Variants in SSBP3 observed in about 807,000 individuals in gnomAD.
SSBP3 encodes the protein single-stranded DNA-binding protein 3.
Under a neutral mutation model 69.6 loss-of-function variants are expected in SSBP3, and 5 were observed. That is an observed-to-expected ratio of 0.07 (90% CI 0.04 to 0.15). The LOEUF (loss-of-function observed/expected upper bound fraction) is 0.15, where lower values mean the gene tolerates loss of function less well. SSBP3 is among the 10% of genes least tolerant of loss of function. SSBP3 has a pLI of 1.00. For synonymous variants in SSBP3, 196 were observed against 193.4 expected (o/e 1.01, Z -0.11); for missense variants, 312 against 534.0 (o/e 0.58, Z 4.10).
chr1:54,361,325 G>A (rs1405247563), intron 4 of SSBP3, among the ~76,000 whole-genome samples: 1 of 152,084 alleles, frequency 6.6e-6, no homozygotes, highest in East Asian at 1.9e-4. Context: ...CTATAAAGAG[G>A]TAAATTTTCA....
intron 5 of SSBP3, among the ~76,000 whole-genome samples, chr1:54,263,181 C>T (rs935151554): frequency 6.6e-6 from 1 of 152,186 alleles, no homozygotes; most frequent in Admixed American, 6.5e-5. Flanking sequence ...AGCCTTTACC[C>T]ACACTGACAG....
intron 4 of SSBP3, among the ~76,000 whole-genome samples, chr1:54,374,959 G>T (rs1647193217): frequency 6.6e-6 from 1 of 152,224 alleles, no homozygotes; most frequent in South Asian, 2.1e-4. Flanking sequence ...CATCCCGTGG[G>T]AAGATGCACA....
At chr1:54,238,875 T>C (rs1346220867) in intron 14 of SSBP3, 8 of 409,356 alleles carry the variant, frequency 2.0e-5, no homozygotes, top group Admixed American at 4.1e-5. Flanking sequence ...AGGTGGCAAG[T>C]CCCAGCAGCA....
At chr1:54,226,522 T>C (rs996151199) in exon 18 of SSBP3, 2 of 153,232 alleles carry the variant, frequency 1.3e-5, no homozygotes, top group Non-Finnish European at 2.9e-5. Flanking sequence ...AACCAACGAT[T>C]GTAAACTGTC....
chr1:54,375,053 G>C (rs917255631), intron 4 of SSBP3, among the ~76,000 whole-genome samples: 2 of 152,120 alleles, frequency 1.3e-5, no homozygotes, highest in Non-Finnish European at 2.9e-5. Context: ...AGTAGAGGAG[G>C]CTGGGCCAGG....
chr1:54,393,394 T>C (rs1317345936), intron 4 of SSBP3, among the ~76,000 whole-genome samples: 1 of 152,064 alleles, frequency 6.6e-6, no homozygotes, highest in Admixed American at 6.6e-5. Flanking sequence ...GGCACACACC[T>C]CTCACCCCAA....
At position 54,405,043 on chromosome 1, in the gene SSBP3, C is replaced by T. The variant is rs1570078576; in HGVS notation, c.57-113G>A. 1.1e-5 allele frequency: 10 copies of T among 944,838 alleles called. No homozygotes were observed. In the East Asian group the frequency reaches 2.1e-4, roughly 20 times the overall value. 58.5% of individuals were successfully genotyped at this position (944,838 alleles called of 1,614,324 possible). On this transcript the variant is annotated intron_variant, in intron 1 of 17. Coordinates refer to ENST00000610401, the Ensembl canonical transcript of SSBP3. ...CCCTGTCTGCGCCGTCCCATTGTGG[C>T]CCCGACCAGAGGTAAGCAGCTAGCT... is the stretch of plus-strand genomic sequence containing the variant.
chr1:54,352,168 G>GC (rs1646790956), intron 4 of SSBP3, among the ~76,000 whole-genome samples: 1 of 35,026 alleles, frequency 2.9e-5, no homozygotes, highest in Non-Finnish European at 6.2e-5. Flanking sequence ...CCCCACCCCC[G>GC]CCCCCCAAAA....
chr1:54,398,153 TG>T (rs1431960158), intron 4 of SSBP3, among the ~76,000 whole-genome samples: 3 of 152,202 alleles, frequency 2.0e-5, no homozygotes, highest in Non-Finnish European at 4.4e-5. Context: ...TGCCTGCCCT[TG>T]GACAAGCCAC....
intron 12 of SSBP3, 33 bp downstream of exon 12, chr1:54,241,441 T>A (rs748117676): frequency 6.2e-7 from 1 of 1,613,082 alleles, no homozygotes; most frequent in African/African-American, 1.3e-5. Context: ...CCCACGTGGC[T>A]AGACATGCAA....
intron 4 of SSBP3, among the ~76,000 whole-genome samples, chr1:54,297,384 C>G (rs961543486): frequency 1.3e-5 from 2 of 152,226 alleles, no homozygotes; most frequent in Admixed American, 1.3e-4. Context: ...AATCCCGGCA[C>G]TTTGGGAGGC....
intron 4 of SSBP3, among the ~76,000 whole-genome samples, chr1:54,307,431 T>A (rs959526429): frequency 6.6e-6 from 1 of 152,160 alleles, no homozygotes; most frequent in African/African-American, 2.4e-5. Context: ...CAGCACAGAA[T>A]CTACACTCCC....
intron 4 of SSBP3, among the ~76,000 whole-genome samples, chr1:54,315,874 T>C (rs1306237921): frequency 6.6e-6 from 1 of 151,982 alleles, no homozygotes; most frequent in Non-Finnish European, 1.5e-5. Context: ...ATTGCCCAGA[T>C]TGGTCTCGGA....
At chr1:54,238,515 T>C (rs112384297) in intron 14 of SSBP3, 17 of 369,630 alleles carry the variant, frequency 4.6e-5, no homozygotes, top group African/African-American at 3.2e-4. Flanking sequence ...GGAGACAGGC[T>C]GCAGCTGACT....
At position 54,236,831 on chromosome 1, in the gene SSBP3, T is replaced by C. The variant is rs550665726; in HGVS notation, c.927+2298A>G. 6.6e-5 allele frequency: 10 copies of C among 152,360 alleles called. No individual in the cohort carries two copies. In the South Asian group the frequency reaches 1.0e-3, roughly 16 times the overall value. The allele number at this position is 152,360 out of a possible 1,614,324, so 9.4% of individuals were successfully genotyped here. On this transcript the variant is annotated intron_variant, in intron 14 of 17. Coordinates refer to ENST00000610401, the Ensembl canonical transcript of SSBP3. ...ACCGAAAGGTGACCCAAAACTTTCA[T>C]TATGAAAGCTGGTATCACAGGTAAG...
At chr1:54,345,696 C>A (rs117437324) in intron 4 of SSBP3, among the ~76,000 whole-genome samples, 1 of 152,298 alleles carries the variant, frequency 6.6e-6, no homozygotes, top group East Asian at 1.9e-4. Context: ...CTGACCATGG[C>A]ACAGAGCAGA....
At chr1:54,230,027 C>G (rs1371857332) in intron 14 of SSBP3, among the ~76,000 whole-genome samples, 1 of 152,218 alleles carries the variant, frequency 6.6e-6, no homozygotes, top group African/African-American at 2.4e-5. Context: ...CAGAGCCCAT[C>G]GCGGAAATCA....
intron 4 of SSBP3, among the ~76,000 whole-genome samples, chr1:54,338,225 G>A (rs12029023): frequency 0.087 from 13,261 of 152,266 alleles, 684 homozygotes; most frequent in South Asian, 0.13. Context: ...ACTGCAATGG[G>A]GCTGCATAGC....
intron 4 of SSBP3, among the ~76,000 whole-genome samples, chr1:54,302,851 C>A (rs12060648): frequency 1.3e-5 from 2 of 152,120 alleles, no homozygotes; most frequent in Non-Finnish European, 1.5e-5. Context: ...CAAGTCAGTG[C>A]GGTCAATGCA....
Sources: allele counts gnomAD v4.1 joint callset (sites outside exome capture counted in the v4.1 genomes callset), GRCh38; gene constraint gnomAD v4.1.1; transcripts MANE v1.5; gene names NCBI Gene and HGNC (gene_info 2026-07-23, HGNC 2026-07-21).